The following SLC9A2 variants were observed in gnomAD, a reference collection of about 807,000 sequenced individuals.
SLC9A2 encodes sodium/hydrogen exchanger 2.
A neutral mutation model predicts 71.7 loss-of-function variants in SLC9A2; 42 were observed. The ratio of observed to expected loss-of-function variants is 0.59; its 90% CI spans 0.46 to 0.76. The LOEUF (loss-of-function observed/expected upper bound fraction) is 0.76. SLC9A2 is among the 30% of genes least tolerant of loss of function. The pLI is 0.00. For missense variants in SLC9A2, 829 were observed against 1,017.4 expected, an observed-to-expected ratio of 0.81 and a Z score of 2.52; for synonymous variants, 396 against 392.5, an observed-to-expected ratio of 1.01 and a Z score of -0.10.
intron 1 of SLC9A2, among the ~76,000 whole-genome samples, chr2:102,632,452 A>G (rs911772224): frequency 1.3e-5 from 2 of 151,854 alleles, no homozygotes; most frequent in Admixed American, 6.6e-5. Flanking sequence ...ATGCACAATT[A>G]TAGGTTATTC....
In SLC9A2 at chr2:102,689,404, G is replaced by A. The variant is rs193257392; in HGVS notation, c.1426-5010G>A. ...GCATCCCCTGCAAGAACATGTTGGGGTGCTTAGGGCCCATGGTGGGGTAGC... is the reference window on the plus strand; with the variant it reads ...GCATCCCCTGCAAGAACATGTTGGGATGCTTAGGGCCCATGGTGGGGTAGC... On this transcript the variant is annotated intron_variant, in intron 5 of 11. Coordinates refer to ENST00000233969, the MANE Select transcript of SLC9A2 (RefSeq NM_003048.6). Among the ~76,000 whole-genome samples the A allele has an allele frequency of 2.9e-3, 442 of 152,264 alleles. 3 individuals are homozygous for A. Among genetic ancestry groups the A allele is most frequent in the African/African-American group, 0.01 (423 of 41,544 alleles).
chr2:102,697,913 A>G (rs1403452422), intron 7 of SLC9A2, among the ~76,000 whole-genome samples: 1 of 151,926 alleles, frequency 6.6e-6, no homozygotes, highest in East Asian at 2.0e-4. Flanking sequence ...GAAGGGTGAT[A>G]CAGTAGGGAC....
chr2:102,704,672 C>A lies in SLC9A2; in HGVS notation c.1974C>A (p.His658Gln). 1 of 1,610,744 alleles carries A rather than the reference C, an allele frequency of 6.2e-7. No individual in the cohort carries two copies. Among genetic ancestry groups the A allele is most frequent in the Non-Finnish European group, 8.5e-7 (1 of 1,177,764 alleles). ...AGGACAGCAGCTTGAATCGAGAACA[C>A]AGGGTAACTGAGTGTGCGCCTCTAG... ...IRKDSSLNRE[H>Q]RASTSTSRYL... is the part of the protein sequence containing the mutation. Residue 658 changes from histidine to glutamine, a missense_variant, in exon 10 of 12, where the codon CAC (histidine) becomes CAA (glutamine). By Grantham distance (24) the His-to-Gln change is conservative. Coordinates refer to ENST00000233969, the MANE Select transcript of SLC9A2 (RefSeq NM_003048.6).
intron 5 of SLC9A2, among the ~76,000 whole-genome samples, chr2:102,687,577 T>C (rs1677570839): frequency 6.6e-6 from 1 of 152,236 alleles, no homozygotes; most frequent in African/African-American, 2.4e-5. Context: ...TTCAATATTT[T>C]ATATGATAAG....
intron 3 of SLC9A2, among the ~76,000 whole-genome samples, chr2:102,670,492 G>A (rs923538114): frequency 6.7e-6 from 1 of 150,170 alleles, no homozygotes; most frequent in Middle Eastern, 3.4e-3. Context: ...TCGAGGCCCA[G>A]ATGGACAAAA....
chr2:102,676,831 T>A (rs1332225331), intron 3 of SLC9A2, among the ~76,000 whole-genome samples: 5 of 152,254 alleles, frequency 3.3e-5, no homozygotes, highest in Non-Finnish European at 1.5e-5. Flanking sequence ...GTCTTCATCA[T>A]TGCATATGCT....
chr2:102,623,446 G>A (rs1676182974), intron 1 of SLC9A2, among the ~76,000 whole-genome samples: 1 of 152,138 alleles, frequency 6.6e-6, no homozygotes, highest in South Asian at 2.1e-4. Flanking sequence ...GCCAGGAAAT[G>A]CCCAGAAATC....
intron 1 of SLC9A2, among the ~76,000 whole-genome samples, chr2:102,649,074 T>C (rs2104513648): frequency 6.6e-6 from 1 of 152,254 alleles, no homozygotes; most frequent in East Asian, 1.9e-4. Flanking sequence ...CTTCAAACTA[T>C]ACTACAAGGC....
intron 1 of SLC9A2, among the ~76,000 whole-genome samples, chr2:102,633,774 T>C (rs1337963227): frequency 6.6e-6 from 1 of 152,198 alleles, no homozygotes; most frequent in African/African-American, 2.4e-5. Flanking sequence ...CTGAGATATA[T>C]ATTTAACACG....
intron 1 of SLC9A2, among the ~76,000 whole-genome samples, chr2:102,656,072 ATTCTC>A: frequency 6.6e-6 from 1 of 152,234 alleles, no homozygotes; most frequent in Admixed American, 6.5e-5. Context: ...AAAGCGTAGC[ATTCTC>A]ATATTCTGCT....
At chr2:102,625,810 A>G (rs1172815898) in intron 1 of SLC9A2, among the ~76,000 whole-genome samples, 1 of 152,174 alleles carries the variant, frequency 6.6e-6, no homozygotes, top group Non-Finnish European at 1.5e-5. Context: ...TAGCAGCATG[A>G]TTTATATTCC....
rs1676843577 is a variant in SLC9A2, at chr2:102,651,952, GTTGTTA to G, written c.290-5610_290-5605del. ...AAGGGTTTTTGTTGTTGTTGTTGTT[GTTGTTA>G]TATGTAGGAGTTCTTTTTTATTGCT... is the stretch of plus-strand genomic sequence containing the variant. On this transcript the variant is annotated intron_variant, in intron 1 of 11. Transcript: ENST00000233969. 6.0e-5 allele frequency among the ~76,000 whole-genome samples: 9 copies of G among 150,182 alleles called. No individual in the cohort carries two copies. The South Asian group carries it at 1.9e-3, about 32-fold the overall frequency.
chr2:102,667,829 A>C (rs1677170298), intron 3 of SLC9A2, among the ~76,000 whole-genome samples: 1 of 151,984 alleles, frequency 6.6e-6, no homozygotes, highest in Admixed American at 6.6e-5. Context: ...CAGCACTTTG[A>C]GAGGATGAGA....
intron 3 of SLC9A2, among the ~76,000 whole-genome samples, chr2:102,670,849 C>CTTTTTTTTTT (rs10687841): frequency 1.3e-5 from 1 of 75,892 alleles, no homozygotes; most frequent in Non-Finnish European, 2.4e-5. Flanking sequence ...GGAAGGCATG[C>CTTTTTTTTTT]TTTTTTTTTT....
chr2:102,690,968 C>CA (rs57709703), intron 5 of SLC9A2, among the ~76,000 whole-genome samples: 26,558 of 130,822 alleles, frequency 0.2, 2,898 homozygotes, highest in East Asian at 0.35. Flanking sequence ...TCATTTTCTT[C>CA]AAAAAAAAAA....
chr2:102,635,095 T>C (rs2192669), intron 1 of SLC9A2, among the ~76,000 whole-genome samples: 118,803 of 152,204 alleles, frequency 0.78, 47,541 homozygotes, highest in East Asian at 1. Context: ...AATCTTAAAG[T>C]AAAGTGCTGC....
chr2:102,676,392 T>TA (rs1558716786), intron 3 of SLC9A2, among the ~76,000 whole-genome samples: 1 of 152,224 alleles, frequency 6.6e-6, no homozygotes, highest in African/African-American at 2.4e-5. Context: ...TCTCTCCACG[T>TA]AACCAGAGTT....
At position 102,646,767 on chromosome 2, in the gene SLC9A2, A is replaced by AT. The variant is rs1179838000; in HGVS notation, c.290-10797_290-10796insT. On this transcript the variant is annotated intron_variant, in intron 1 of 11. Transcript: ENST00000233969. The stretch of plus-strand genomic sequence containing the variant: ...TGCAGCAAGAAGAGCTAACGATCCT[A>AT]AATATATATATATATATATATATCT... Among the ~76,000 whole-genome samples the AT allele has an allele frequency of 3.6e-3, 429 of 119,134 alleles. 7 individuals carry two copies. Among genetic ancestry groups the AT allele is most frequent in the African/African-American group, 0.018 (405 of 22,726 alleles). 78.2% of individuals were successfully genotyped at this position (119,134 alleles called of 152,430 possible).
chr2:102,692,567 A>AC (rs1375843300), intron 5 of SLC9A2, among the ~76,000 whole-genome samples: 3 of 151,936 alleles, frequency 2.0e-5, no homozygotes, highest in Admixed American at 2.0e-4. Flanking sequence ...CTTGACTCTC[A>AC]CCCCCTCCTT....
Sources: gnomAD v4.1 joint callset for allele counts (sites outside exome capture counted in the v4.1 genomes callset) on GRCh38, gnomAD v4.1.1 for gene constraint, MANE v1.5 for transcripts, NCBI Gene and HGNC (gene_info 2026-07-23, HGNC 2026-07-21) for gene names.